Variants in KIAA0825 observed in about 807,000 individuals in gnomAD.
The protein encoded by KIAA0825 is uncharacterized protein KIAA0825.
A neutral mutation model predicts 147.6 loss-of-function variants in KIAA0825; 119 were observed. That is an observed-to-expected ratio of 0.81 (90% CI 0.69 to 0.94). The LOEUF (loss-of-function observed/expected upper bound fraction) is 0.94. KIAA0825 is among the 40% of genes least tolerant of loss of function. The pLI is 0.00. For missense variants in KIAA0825, 1,381 were observed against 1,472.7 expected (o/e 0.94, Z 1.02); for synonymous variants, 470 against 518.1 (o/e 0.91, Z 1.26).
intron 20 of KIAA0825, among the ~76,000 whole-genome samples, chr5:94,216,379 A>G (rs1773198711): frequency 6.6e-6 from 1 of 152,144 alleles, no homozygotes; most frequent in African/African-American, 2.4e-5. Context: ...AGAGATGAGA[A>G]ACGTTTGTAC....
Position 94,241,472 on chromosome 5 carries a change from C to T in KIAA0825, c.3711-87348G>A, listed in dbSNP as rs138383952. Among the ~76,000 whole-genome samples the T allele has an allele frequency of 1.9e-3, 291 of 152,264 alleles. 1 individual carries two copies. Among genetic ancestry groups the T allele is most frequent in the Non-Finnish European group, 3.4e-3 (234 of 68,004 alleles). Reference sequence around the variant, plus strand: ...CTTGTTCTTATTTTCCCAGACATTTCGTGTCCTAACAATTGCAGACATTGT... The same window carrying T: ...CTTGTTCTTATTTTCCCAGACATTTTGTGTCCTAACAATTGCAGACATTGT... On this transcript the variant is annotated intron_variant, in intron 20 of 20. Transcript: ENST00000682413.
At chr5:94,350,743 A>T (rs1035515116) in intron 20 of KIAA0825, among the ~76,000 whole-genome samples, 1 of 152,154 alleles carries the variant, frequency 6.6e-6, no homozygotes, top group African/African-American at 2.4e-5. Context: ...TACGATTAAA[A>T]CTCTCAGCAA....
At chr5:94,469,451 C>T (rs1282256860) in intron 10 of KIAA0825, among the ~76,000 whole-genome samples, 1 of 152,046 alleles carries the variant, frequency 6.6e-6, no homozygotes, top group Non-Finnish European at 1.5e-5. Flanking sequence ...GGATTACAGG[C>T]GTGAGCCACC....
chr5:94,365,960 C>T (rs1235656379), intron 20 of KIAA0825, among the ~76,000 whole-genome samples: 9 of 152,190 alleles, frequency 5.9e-5, no homozygotes, highest in Admixed American at 5.9e-4. Context: ...AATAAATCAG[C>T]TGGCACCACC....
chr5:94,182,541 A>G (rs1185634828), intron 20 of KIAA0825, among the ~76,000 whole-genome samples: 2 of 151,680 alleles, frequency 1.3e-5, no homozygotes, highest in Non-Finnish European at 2.9e-5. Flanking sequence ...ATTACAGGTG[A>G]AAGCCACCAT....
intron 3 of KIAA0825, among the ~76,000 whole-genome samples, chr5:94,526,739 G>A (rs985380992): frequency 2.0e-5 from 3 of 151,998 alleles, no homozygotes; most frequent in Non-Finnish European, 4.4e-5. Context: ...TTAGCTGAAT[G>A]TTAAATATGT....
chr5:94,505,119 G>C (rs946528512), intron 5 of KIAA0825, among the ~76,000 whole-genome samples: 2 of 151,788 alleles, frequency 1.3e-5, no homozygotes, highest in Admixed American at 6.6e-5. Context: ...CAGCACTTTG[G>C]GAGGCTGAAG....
chr5:94,578,406 C>A (rs1437995740), intron 2 of KIAA0825, among the ~76,000 whole-genome samples: 1 of 152,148 alleles, frequency 6.6e-6, no homozygotes, highest in Non-Finnish European at 1.5e-5. Context: ...CAAAACCAGG[C>A]AGCCTGTCTC....
chr5:94,325,352 G>A (rs754419161), intron 20 of KIAA0825, among the ~76,000 whole-genome samples: 2 of 151,838 alleles, frequency 1.3e-5, no homozygotes, highest in Non-Finnish European at 2.9e-5. Flanking sequence ...GAATAATATA[G>A]CCACAGCTAA....
rs1470440523 is a variant in KIAA0825 at position 94,471,698 on chromosome 5, T to C, written c.1489A>G (p.Met497Val). 2 of 1,552,328 alleles carry C rather than the reference T, an allele frequency of 1.3e-6. No individual in the cohort carries two copies. Among genetic ancestry groups the C allele is most frequent in the Non-Finnish European group, 1.7e-6 (2 of 1,147,120 alleles). ...CTGCATGCCAGAGCCAGTGGAAGCA[T>C]TGTGTCAAGTTTTTCCATGATGTCA... ...CSDIMEKLDT[M>V]LPLALACRDD... Residue 497 changes from methionine to valine, a missense_variant, in exon 9 of 21, where the codon ATG becomes GTG. By Grantham distance (21) the Met-to-Val change is conservative. Coordinates refer to ENST00000682413, the MANE Select transcript of KIAA0825 (RefSeq NM_001145678.3).
intron 20 of KIAA0825, among the ~76,000 whole-genome samples, chr5:94,288,271 G>A (rs1777739588): frequency 6.6e-6 from 1 of 152,048 alleles, no homozygotes. Flanking sequence ...CACCATCTCA[G>A]GGACATAAAA....
intron 2 of KIAA0825, chr5:94,569,386 A>G (rs55876730): frequency 2.6e-6 from 1 of 387,764 alleles, no homozygotes; most frequent in Non-Finnish European, 4.8e-6. Flanking sequence ...CTAAGCCCCC[A>G]TAAATAGGAG....
At chr5:94,326,200 T>TA (rs796647483) in intron 20 of KIAA0825, among the ~76,000 whole-genome samples, 7 of 152,260 alleles carry the variant, frequency 4.6e-5, no homozygotes, top group East Asian at 1.9e-4. Flanking sequence ...TCTGTCTCAA[T>TA]AAAAAATCAA....
intron 5 of KIAA0825, among the ~76,000 whole-genome samples, chr5:94,508,528 A>G (rs1007671282): frequency 6.6e-6 from 1 of 151,954 alleles, no homozygotes; most frequent in African/African-American, 2.4e-5. Flanking sequence ...GTTTTAGAAT[A>G]TGAAAAAAAA....
At chr5:94,367,539 G>GAGA (rs1746047369) in intron 20 of KIAA0825, among the ~76,000 whole-genome samples, 1 of 152,084 alleles carries the variant, frequency 6.6e-6, no homozygotes, top group South Asian at 2.1e-4. Context: ...AGGAAGCCTA[G>GAGA]AGAAAGTGAT....
intron 20 of KIAA0825, among the ~76,000 whole-genome samples, chr5:94,178,033 T>C (rs978018972): frequency 1.3e-5 from 2 of 152,076 alleles, no homozygotes; most frequent in African/African-American, 4.8e-5. Flanking sequence ...TTTCTGATCC[T>C]GCATATTTTA....
At position 94,153,407 on chromosome 5, in the gene KIAA0825, T is replaced by A. The variant is rs1215083223; in HGVS notation, c.*600A>T. Reference sequence around the variant, plus strand: ...GGTATAGGACCTGAATATGTATGAGTAGAAATTTGATTCTGGTTTAGGAGG... The same window carrying A: ...GGTATAGGACCTGAATATGTATGAGAAGAAATTTGATTCTGGTTTAGGAGG... On this transcript the variant is annotated 3_prime_UTR_variant, in exon 21 of 21. Coordinates refer to ENST00000682413, the MANE Select transcript of KIAA0825 (RefSeq NM_001145678.3). The A allele has an allele frequency of 3.3e-5, 5 of 152,056 alleles. No homozygotes were observed. Among genetic ancestry groups the A allele is most frequent in the Admixed American group, 2.0e-4 (3 of 15,254 alleles). The allele number at this position is 152,056 out of a possible 1,614,324, so 9.4% of individuals were successfully genotyped here.
At chr5:94,195,482 A>G (rs1481413591) in intron 20 of KIAA0825, among the ~76,000 whole-genome samples, 5 of 152,244 alleles carry the variant, frequency 3.3e-5, no homozygotes, top group Non-Finnish European at 5.9e-5. Flanking sequence ...TGTGTGTGCA[A>G]TTAAAACAGA....
intron 12 of KIAA0825, among the ~76,000 whole-genome samples, chr5:94,457,670 C>A (rs569071730): frequency 1.3e-5 from 2 of 152,308 alleles, no homozygotes; most frequent in South Asian, 4.1e-4. Flanking sequence ...CTGATCAGCT[C>A]TTTGGGCTTA....
Sources: gnomAD v4.1 joint callset for allele counts (sites outside exome capture counted in the v4.1 genomes callset) on GRCh38, gnomAD v4.1.1 for gene constraint, MANE v1.5 for transcripts, NCBI Gene and HGNC (gene_info 2026-07-23, HGNC 2026-07-21) for gene names.